Variants in GRK1 observed in about 807,000 individuals in gnomAD.
GRK1 encodes the protein rhodopsin kinase GRK1.
GRK1 carries 28 observed loss-of-function variants against 41.7 expected under a neutral mutation model. The ratio of observed to expected loss-of-function variants is 0.67; its 90% CI spans 0.50 to 0.92. GRK1 has a LOEUF of 0.92. GRK1 is among the 40% of genes least tolerant of loss of function. The pLI, the probability that GRK1 is intolerant of heterozygous loss-of-function variation, is 0.00. For missense variants in GRK1, 703 were observed against 671.2 expected (o/e 1.05, Z -0.52); for synonymous variants, 327 against 286.7 (o/e 1.14, Z -1.42).
the GRK1 span, chr13:113,653,386 A>G: frequency 6.2e-7 from 1 of 1,614,200 alleles, no homozygotes; most frequent in Non-Finnish European, 8.5e-7. Flanking sequence ...GACGTTGTAG[A>G]CAATTTCCAG....
At position 113,667,534 on chromosome 13, in the gene GRK1, C is replaced by T; in HGVS notation, c.148C>T (p.Leu50Phe). 1 of 1,613,514 alleles carries T rather than the reference C, an allele frequency of 6.2e-7. No homozygotes were observed. The highest frequency in any genetic ancestry group is 1.1e-5 in the South Asian group (1 of 91,048). ...KLPPLSKCES[L>F]RDSLSLEFES... ...GCCCCCGCTGTCCAAGTGTGAGTCC[C>T]TCCGCGACAGCCTCAGCCTGGAGTT... The change falls in exon 1 of 7, where the codon CTC becomes TTC. Residue 50 changes from leucine (L) to phenylalanine (F), a missense_variant. Coordinates refer to ENST00000335678, the MANE Select transcript of GRK1 (RefSeq NM_002929.3). The surrounding 1 kb of genome is among the most constrained non-coding windows in gnomAD (Gnocchi z 7.5).
intron 6 of GRK1, chr13:113,734,686 C>T (rs1020509913): frequency 3.4e-4 from 60 of 175,654 alleles, no homozygotes; most frequent in African/African-American, 1.3e-3. Context: ...CTGCAGAGTG[C>T]GCAGGGGAGG....
rs562824837 is a variant in GRK1 at position 113,730,163 on chromosome 13, C to T, written c.1070-1056C>T. ...TGCACCCAGACCCGTCCCTCCATCC[C>T]GACGCAGTCCCCCAGTCCCCGCGGC... On this transcript the variant is annotated intron_variant, in intron 4 of 6. Transcript: ENST00000335678. Among the ~76,000 whole-genome samples, 19 of 129,206 alleles carry T rather than the reference C, an allele frequency of 1.5e-4. 2 individuals carry two copies. Among genetic ancestry groups the T allele is most frequent in the African/African-American group, 5.6e-4 (18 of 32,014 alleles). 84.8% of individuals were successfully genotyped at this position (129,206 alleles called of 152,430 possible).
chr13:113,660,381 C>A, the GRK1 span, among the ~76,000 whole-genome samples: 1 of 152,166 alleles, frequency 6.6e-6, no homozygotes, highest in Non-Finnish European at 1.5e-5. Context: ...CAGGAGCCCA[C>A]CCAAAGGTTC....
rs867044401 is a variant in GRK1, at chr13:113,731,124, G to A, written c.1070-95G>A. ...GTGGAGAGTGCTGAGGCCCCGGGGG[G>A]GATGCATCCCCAGAGCATCAGTCCT... On this transcript the variant is annotated intron_variant, in intron 4 of 6. Transcript: ENST00000335678. The surrounding 1 kb of genome is among the most constrained non-coding windows in gnomAD (Gnocchi z 5.6). 15 of 1,464,590 alleles carry A rather than the reference G, an allele frequency of 1.0e-5. No homozygotes were observed. The Middle Eastern group carries it at 1.3e-3, about 125-fold the overall frequency. 90.7% of individuals were successfully genotyped at this position (1,464,590 alleles called of 1,614,324 possible). A position where few individuals can be genotyped will look rare whatever the true frequency, so the allele number is the denominator to read the frequency against.
the GRK1 span, chr13:113,658,118 C>A: frequency 1.9e-6 from 3 of 1,613,018 alleles, no homozygotes; most frequent in Non-Finnish European, 2.5e-6. Flanking sequence ...GCTGGCCACA[C>A]GTCTTCTTCT....
At chr13:113,666,315 G>A (rs138826478), upstream of GRK1, among the ~76,000 whole-genome samples, 735 of 144,732 alleles carry the variant, frequency 5.1e-3, 4 homozygotes, top group African/African-American at 0.017. Flanking sequence ...AGCTGTCCCA[G>A]CTGTCCCAGG....
At chr13:113,652,827 G>T in the GRK1 span, 2 of 1,601,748 alleles carry the variant, frequency 1.2e-6, no homozygotes, top group South Asian at 2.2e-5. Flanking sequence ...GAGAGGCCCT[G>T]ACTGCACTGT....
chr13:113,670,753 C>CA (rs1277823072), intron 2 of GRK1, among the ~76,000 whole-genome samples: 4 of 63,034 alleles, frequency 6.3e-5, no homozygotes, highest in African/African-American at 1.1e-4. Flanking sequence ...AACGCAGACA[C>CA]GGGGTGCCCA....
chr13:113,727,724 TGAG>T (rs1217318610), intron 4 of GRK1, among the ~76,000 whole-genome samples: 1 of 116,420 alleles, frequency 8.6e-6, no homozygotes, highest in African/African-American at 3.3e-5. Context: ...CCCATGGCGA[TGAG>T]GAGTACCCAT....
intron 6 of GRK1, 44 bp from the exon 7 acceptor site, chr13:113,735,024 C>A: frequency 6.9e-7 from 1 of 1,448,524 alleles, no homozygotes; most frequent in Non-Finnish European, 9.1e-7. Flanking sequence ...GCGCTTCCTT[C>A]CCACCACGAG....
At chr13:113,734,163 C>T (rs2049985109) in intron 6 of GRK1, among the ~76,000 whole-genome samples, 1 of 151,430 alleles carries the variant, frequency 6.6e-6, no homozygotes, top group Non-Finnish European at 1.5e-5. Flanking sequence ...AGGCCACGTG[C>T]AGTGTGACTA....
the GRK1 span, chr13:113,649,421 C>T: frequency 9.4e-6 from 15 of 1,588,472 alleles, no homozygotes; most frequent in African/African-American, 5.4e-5. This position sits in a 1 kb window ranked among gnomAD's most constrained non-coding sequence, Gnocchi z 4.7. Flanking sequence ...TCATACGGGT[C>T]GTGGGGATTG....
At chr13:113,654,721 G>A in the GRK1 span, 2 of 1,492,314 alleles carry the variant, frequency 1.3e-6, no homozygotes, top group South Asian at 1.4e-5. Flanking sequence ...CTTCATTTCT[G>A]GGGAGGGCAC....
chr13:113,734,012 GCA>G (rs2049981354), intron 6 of GRK1, among the ~76,000 whole-genome samples: 3 of 135,828 alleles, frequency 2.2e-5, no homozygotes, highest in African/African-American at 3.3e-5. Context: ...GCGTGTGCGT[GCA>G]TGTGTGTGCG....
the GRK1 span, chr13:113,657,952 C>A: frequency 2.5e-6 from 3 of 1,209,546 alleles, no homozygotes; most frequent in Non-Finnish European, 3.5e-6. Context: ...CCTCTGCTCC[C>A]CTCCTCCTGA....
At chr13:113,661,660 A>G in the GRK1 span, among the ~76,000 whole-genome samples, 1 of 152,250 alleles carries the variant, frequency 6.6e-6, no homozygotes, top group Non-Finnish European at 1.5e-5. Flanking sequence ...AATAGGAGCT[A>G]TCACTACAGA....
At chr13:113,651,073 G>A in the GRK1 span, among the ~76,000 whole-genome samples, 4 of 151,996 alleles carry the variant, frequency 2.6e-5, no homozygotes, top group Non-Finnish European at 5.9e-5. Context: ...TGGAGGCTTC[G>A]AGGGAAGTGA....
chr13:113,658,038 C>T, the GRK1 span: 1,372 of 1,600,104 alleles, frequency 8.6e-4, 25 homozygotes, highest in South Asian at 0.013. Context: ...CGTACCCCAC[C>T]GGGACAGGGT....
Sources: gnomAD v4.1 joint callset for allele counts (sites outside exome capture counted in the v4.1 genomes callset) on GRCh38, gnomAD v4.1.1 for gene constraint, Gnocchi (gnomAD v3.1) non-coding constraint, MANE v1.5 for transcripts, NCBI Gene and HGNC (gene_info 2026-07-23, HGNC 2026-07-21) for gene names.